The following BRINP3 variants were observed in gnomAD, a reference collection of about 807,000 sequenced individuals.
BRINP3 encodes BMP/retinoic acid-inducible neural-specific protein 3.
In BRINP3, 19 loss-of-function variants were observed where a neutral mutation model predicts 71.0. The observed-to-expected ratio is 0.27, with a 90% CI of 0.19 to 0.39. BRINP3 has a LOEUF of 0.39. Among genes scored for constraint, BRINP3 ranks in the 10% least tolerant of loss-of-function variants. The pLI is 1.00. For missense variants in BRINP3, 959 were observed against 940.8 expected, an observed-to-expected ratio of 1.02 and a Z score of -0.25; for synonymous variants, 380 against 337.7, an observed-to-expected ratio of 1.13 and a Z score of -1.37.
intron 2 of BRINP3, among the ~76,000 whole-genome samples, chr1:190,439,944 T>G (rs1433286201): frequency 6.6e-6 from 1 of 151,886 alleles, no homozygotes; most frequent in African/African-American, 2.4e-5. Flanking sequence ...AGTGCATTAG[T>G]TTTCACAGAA....
chr1:190,323,068 T>C (rs1195016128), intron 2 of BRINP3, among the ~76,000 whole-genome samples: 2 of 152,022 alleles, frequency 1.3e-5, no homozygotes, highest in African/African-American at 4.8e-5. Context: ...CAAAAGCTTC[T>C]TATTTAAAAT....
At chr1:190,443,903 C>A (rs1331634078) in intron 2 of BRINP3, among the ~76,000 whole-genome samples, 1 of 152,024 alleles carries the variant, frequency 6.6e-6, no homozygotes, top group South Asian at 2.1e-4. Flanking sequence ...TATAAACAGA[C>A]CTGATTGGGA....
intron 2 of BRINP3, among the ~76,000 whole-genome samples, chr1:190,344,659 G>C (rs975523503): frequency 6.6e-6 from 1 of 151,852 alleles, no homozygotes; most frequent in African/African-American, 2.4e-5. Flanking sequence ...ACAAAGGAAA[G>C]AATGTGCATA....
At chr1:190,259,763 C>T (rs909118195) in intron 4 of BRINP3, among the ~76,000 whole-genome samples, 17 of 152,026 alleles carry the variant, frequency 1.1e-4, no homozygotes, top group Non-Finnish European at 2.4e-4. Context: ...GGCATGGTGG[C>T]TCACACCTGC....
intron 2 of BRINP3, among the ~76,000 whole-genome samples, chr1:190,409,478 C>A (rs1265235929): frequency 1.3e-5 from 2 of 152,010 alleles, no homozygotes; most frequent in Non-Finnish European, 2.9e-5. Flanking sequence ...TTTTTCTGGA[C>A]CTTGTAAAGG....
At chr1:190,167,103 C>T (rs1651622064) in intron 6 of BRINP3, among the ~76,000 whole-genome samples, 1 of 152,008 alleles carries the variant, frequency 6.6e-6, no homozygotes, top group Non-Finnish European at 1.5e-5. Context: ...GATGTGCCAT[C>T]CAGAATCCCT....
intron 2 of BRINP3, among the ~76,000 whole-genome samples, chr1:190,331,623 T>C (rs889502540): frequency 6.6e-6 from 1 of 152,082 alleles, no homozygotes; most frequent in Non-Finnish European, 1.5e-5. Context: ...CTTTCAGACA[T>C]GGTTTGTGAA....
At chr1:190,378,410 C>A (rs563395793) in intron 2 of BRINP3, among the ~76,000 whole-genome samples, 1 of 152,280 alleles carries the variant, frequency 6.6e-6, no homozygotes, top group East Asian at 1.9e-4. Context: ...GTAGGCAATT[C>A]TCCATGGGGT....
chr1:190,461,644 G>A (rs1676405266), intron 1 of BRINP3, among the ~76,000 whole-genome samples: 1 of 152,130 alleles, frequency 6.6e-6, no homozygotes. Context: ...AATAAATGTT[G>A]ATGAAATAAG....
chr1:190,460,602 G>A (rs1175047186), intron 1 of BRINP3, among the ~76,000 whole-genome samples: 1 of 152,160 alleles, frequency 6.6e-6, no homozygotes, highest in Non-Finnish European at 1.5e-5. Flanking sequence ...ACAGAGGTGG[G>A]CCTTAAGTCT....
intron 1 of BRINP3, among the ~76,000 whole-genome samples, chr1:190,458,946 A>C (rs979240784): frequency 1.3e-5 from 2 of 151,918 alleles, no homozygotes; most frequent in Non-Finnish European, 2.9e-5. Context: ...GAGAAATAAA[A>C]GAGAATGAAG....
chr1:190,230,858 A>T (rs1039430210), intron 5 of BRINP3, among the ~76,000 whole-genome samples: 1 of 151,596 alleles, frequency 6.6e-6, no homozygotes, highest in Non-Finnish European at 1.5e-5. Flanking sequence ...TTTTTATTCA[A>T]ATATAATATA....
At chr1:190,213,254 C>T (rs2102657182) in intron 6 of BRINP3, among the ~76,000 whole-genome samples, 1 of 152,132 alleles carries the variant, frequency 6.6e-6, no homozygotes, top group South Asian at 2.1e-4. Context: ...TGACACATAG[C>T]TCCAGATGAT....
chr1:190,135,763 G>C (rs889579087), intron 7 of BRINP3, among the ~76,000 whole-genome samples: 2 of 151,976 alleles, frequency 1.3e-5, no homozygotes, highest in African/African-American at 4.8e-5. Context: ...TTCTGCATTA[G>C]TTTATATTCT....
intron 3 of BRINP3, among the ~76,000 whole-genome samples, chr1:190,267,905 T>C (rs1661793271): frequency 1.3e-5 from 2 of 152,038 alleles, no homozygotes; most frequent in Non-Finnish European, 1.5e-5. Context: ...AAATTGATAA[T>C]ACTGAAAATG....
chr1:190,176,479 G>A (rs184898986), intron 6 of BRINP3, among the ~76,000 whole-genome samples: 4 of 152,276 alleles, frequency 2.6e-5, no homozygotes, highest in Admixed American at 2.6e-4. Flanking sequence ...TAGCCATCCT[G>A]AAACCCTATG....
At chr1:190,244,459 G>A (rs1183380698) in intron 4 of BRINP3, among the ~76,000 whole-genome samples, 1 of 152,054 alleles carries the variant, frequency 6.6e-6, no homozygotes, top group South Asian at 2.1e-4. Context: ...CAAAAACTTA[G>A]AAATTGAATT....
chr1:190,170,150 C>G (rs1355747981), intron 6 of BRINP3, among the ~76,000 whole-genome samples: 1 of 152,056 alleles, frequency 6.6e-6, no homozygotes, highest in Non-Finnish European at 1.5e-5. Context: ...TTATCATATT[C>G]AATCTCATAA....
intron 2 of BRINP3, among the ~76,000 whole-genome samples, chr1:190,360,803 A>G (rs1669093616): frequency 1.3e-5 from 2 of 152,116 alleles, no homozygotes; most frequent in Non-Finnish European, 2.9e-5. Context: ...ATAAAGAAAA[A>G]TAATCTGCAG....
Sources: allele counts gnomAD v4.1 joint callset (sites outside exome capture counted in the v4.1 genomes callset), GRCh38; gene constraint gnomAD v4.1.1; transcripts MANE v1.5; gene names NCBI Gene and HGNC (gene_info 2026-07-23, HGNC 2026-07-21).